Variants in TUBGCP2 observed in about 807,000 individuals in gnomAD.
The protein encoded by TUBGCP2 is gamma-tubulin complex component 2.
A neutral mutation model predicts 92.2 loss-of-function variants in TUBGCP2; 55 were observed. The ratio of observed to expected loss-of-function variants is 0.60; its 90% CI spans 0.48 to 0.75. TUBGCP2 has a LOEUF of 0.75. Among genes scored for constraint, TUBGCP2 ranks in the 30% least tolerant of loss-of-function variants. The pLI, the probability that TUBGCP2 is intolerant of heterozygous loss-of-function variation, is 0.00. For missense variants in TUBGCP2, 1,093 were observed against 1,188.9 expected (o/e 0.92, Z 1.19); for synonymous variants, 533 against 505.2 (o/e 1.06, Z -0.74).
chr10:133,299,727 G>C, intron 3 of TUBGCP2, 124 bp from the exon 4 acceptor site: 2 of 910,764 alleles, frequency 2.2e-6, no homozygotes, highest in Non-Finnish European at 3.3e-6. Context: ...ATAGCAAAGC[G>C]ACGCGTGCGA....
chr10:133,289,982 G>A lies in TUBGCP2; in HGVS notation c.1215-13C>T, dbSNP rs1847240852. ...GACCATAAACTCACTAAAACCACAG[G>A]GAGCGCTTCGGTCACAGGCAAAGCA... On this transcript the variant is annotated splice_polypyrimidine_tract_variant and intron_variant, in intron 8 of 17. Coordinates refer to ENST00000252936, the MANE Select transcript of TUBGCP2 (RefSeq NM_006659.4). 6.2e-7 allele frequency: 1 copy of A among 1,609,378 alleles called. No homozygotes were observed. The highest frequency in any genetic ancestry group is 1.3e-5 in the African/African-American group (1 of 74,968).
At chr10:133,286,201 CT>C (rs1457453764) in intron 11 of TUBGCP2, among the ~76,000 whole-genome samples, 2 of 152,058 alleles carry the variant, frequency 1.3e-5, no homozygotes. Flanking sequence ...AAATGAGCCC[CT>C]GACATCACTT....
At chr10:133,290,099 G>T in intron 8 of TUBGCP2, 130 bp from the exon 9 acceptor site, 1 of 1,305,124 alleles carries the variant, frequency 7.7e-7, no homozygotes, top group Non-Finnish European at 1.1e-6. Context: ...GTTCCACAAG[G>T]GCCGAGCCTA....
upstream of TUBGCP2, chr10:133,311,893 G>A (rs758100019): frequency 1.9e-6 from 3 of 1,613,086 alleles, no homozygotes; most frequent in Non-Finnish European, 2.5e-6. Context: ...GTTCGGTGCT[G>A]AGGATTCTGG....
intron 2 of TUBGCP2, among the ~76,000 whole-genome samples, chr10:133,301,492 G>A (rs898191598): frequency 1.3e-5 from 2 of 152,140 alleles, no homozygotes; most frequent in African/African-American, 4.8e-5. Flanking sequence ...GTGTCCCCAA[G>A]TCTCTATTCC....
At chr10:133,293,870 G>A (rs925119312) in intron 5 of TUBGCP2, 101 bp from the exon 6 acceptor site, 11 of 1,182,256 alleles carry the variant, frequency 9.3e-6, no homozygotes, top group Non-Finnish European at 1.2e-5. Context: ...GCTCATCTTT[G>A]TTTATGGGTA....
In TUBGCP2 at chr10:133,302,852, G is replaced by A. The variant is rs189168678; in HGVS notation, c.90C>T (p.Asp30=). 1 of 1,613,838 alleles carries A rather than the reference G, an allele frequency of 6.2e-7. No individual in the cohort carries two copies. Among genetic ancestry groups the A allele is most frequent in the East Asian group, 2.2e-5 (1 of 44,886 alleles). Residue 30 remains aspartate, a synonymous_variant, in exon 2 of 18, where the codon GAC becomes GAT. Transcript: ENST00000252936. The part of the protein sequence containing the change: ...HGGDGAEVYI[D]LLQKNRTPYV... ...ACGGGGTCCTGTTCTTTTGAAGCAG[G>A]TCAATGTAGACCTCAGCCCCATCTC...
Position 133,285,163 on chromosome 10 carries a change from T to C in TUBGCP2, c.1946A>G (p.Lys649Arg). ...QMLFRHMFYC[K>R]HVERQLCSVW... ...GCTGCAGAGCTGCCGCTCCACGTGC[T>C]TGCAGTAGAACATGTGCCTGAAGAG... The change falls in exon 13 of 18, where the codon AAG (lysine) becomes AGG (arginine). Residue 649 changes from lysine to arginine, a missense_variant. Transcript: ENST00000252936. This position sits in a 1 kb window ranked among gnomAD's most constrained non-coding sequence, Gnocchi z 6.8. 6.2e-7 allele frequency: 1 copy of C among 1,613,610 alleles called. No homozygotes were observed. Among genetic ancestry groups the C allele is most frequent in the Non-Finnish European group, 8.5e-7 (1 of 1,179,974 alleles).
At chr10:133,282,658 C>G (rs1379423066) in intron 15 of TUBGCP2, among the ~76,000 whole-genome samples, 3 of 152,232 alleles carry the variant, frequency 2.0e-5, no homozygotes, top group Admixed American at 2.0e-4. Context: ...ATGGCACTGC[C>G]TGGAGAGCCT....
At chr10:133,293,437 C>A (rs190044861) in intron 6 of TUBGCP2, 125 bp downstream of exon 6, 4 of 1,259,336 alleles carry the variant, frequency 3.2e-6, no homozygotes, top group South Asian at 1.4e-5. Flanking sequence ...GAGTTGGGCA[C>A]GGAGTTGTCA....
In TUBGCP2 at chr10:133,288,138, G is replaced by A. The variant is rs145076825; in HGVS notation, c.1713C>T (p.Asp571=). The part of the protein sequence containing the change: ...MSTANTDPFK[D]DLKIDLMPHD... Reference sequence around the variant, plus strand: ...CGGCACCCCCACCCACCTTGAGGTCGTCCTTGAAGGGGTCAGTGTTGGCCG... The same window carrying A: ...CGGCACCCCCACCCACCTTGAGGTCATCCTTGAAGGGGTCAGTGTTGGCCG... The change falls in exon 11 of 18, where the codon GAC becomes GAT. Residue 571 remains aspartate, a synonymous_variant. Transcript: ENST00000252936. 157 of 1,609,770 alleles carry A rather than the reference G, an allele frequency of 9.8e-5. No individual in the cohort carries two copies. Among genetic ancestry groups the A allele is most frequent in the African/African-American group, 7.7e-4 (58 of 74,928 alleles).
chr10:133,292,589 A>G lies in TUBGCP2; in HGVS notation c.1124T>C (p.Leu375Pro). 1 of 1,614,164 alleles carries G rather than the reference A, an allele frequency of 6.2e-7. No homozygotes were observed. Among genetic ancestry groups the G allele is most frequent in the Middle Eastern group, 1.6e-4 (1 of 6,062 alleles). Residue 375 changes from leucine to proline, a missense_variant, in exon 8 of 18, where the codon CTA (leucine) becomes CCA (proline). This residue lies in a region of TUBGCP2 where 490 missense variants were observed against 488.5 expected (regional missense o/e 1.00). Coordinates refer to ENST00000252936, the MANE Select transcript of TUBGCP2 (RefSeq NM_006659.4). ...GGCCGCCTTGGTTAGGTACAGGCAT[A>G]GCTCCTGCGCCTGGCTGTCCCCTGT... Reference protein sequence around the residue: ...SYTGDSQAQELCLYLTKAASA... With the variant: ...SYTGDSQAQEPCLYLTKAASA...
intron 11 of TUBGCP2, among the ~76,000 whole-genome samples, 193 bp downstream of exon 11, chr10:133,287,936 C>T (rs1329410381): frequency 6.6e-6 from 1 of 152,204 alleles, no homozygotes; most frequent in Non-Finnish European, 1.5e-5. Flanking sequence ...CCGAGACCCG[C>T]GCCCCTCCAG....
chr10:133,285,153 C>T lies in TUBGCP2; in HGVS notation c.1956G>A (p.Glu652=), dbSNP rs1847098807. The change falls in exon 13 of 18, where the codon GAG becomes GAA. Residue 652 remains glutamate (E), a synonymous_variant. Coordinates refer to ENST00000252936, the MANE Select transcript of TUBGCP2 (RefSeq NM_006659.4). This position sits in a 1 kb window ranked among gnomAD's most constrained non-coding sequence, Gnocchi z 6.8. Reference sequence around the variant, plus strand: ...TGATCCAGACGCTGCAGAGCTGCCGCTCCACGTGCTTGCAGTAGAACATGT... The same window carrying T: ...TGATCCAGACGCTGCAGAGCTGCCGTTCCACGTGCTTGCAGTAGAACATGT... ...FRHMFYCKHV[E]RQLCSVWISN... is the part of the protein sequence containing the mutation. 2 of 1,613,592 alleles carry T rather than the reference C, an allele frequency of 1.2e-6. No homozygotes were observed. The highest frequency in any genetic ancestry group is 1.7e-6 in the Non-Finnish European group (2 of 1,179,920).
At chr10:133,293,339 C>G in intron 6 of TUBGCP2, 101 bp from the exon 7 acceptor site, 1 of 1,404,912 alleles carries the variant, frequency 7.1e-7, no homozygotes, top group South Asian at 1.3e-5. Flanking sequence ...AAATGACTCA[C>G]TTGAACCCCA....
chr10:133,279,652 G>A lies in TUBGCP2; in HGVS notation c.*114C>T, dbSNP rs1846914299. On this transcript the variant is annotated 3_prime_UTR_variant, in exon 18 of 18. Coordinates refer to ENST00000252936, the MANE Select transcript of TUBGCP2 (RefSeq NM_006659.4). ...AAAGTGAGCTGAGTCAATCATTCCT[G>A]CTTTATATTTAAACTGCAAAGACAG... is the stretch of plus-strand genomic sequence containing the variant. 2 of 1,382,048 alleles carry A rather than the reference G, an allele frequency of 1.4e-6. No homozygotes were observed. The highest frequency in any genetic ancestry group is 2.9e-5 in the East Asian group (1 of 34,696). 85.6% of individuals were successfully genotyped at this position (1,382,048 alleles called of 1,614,324 possible).
intron 16 of TUBGCP2, 182 bp from the exon 17 acceptor site, chr10:133,281,618 C>T (rs1443410820): frequency 3.7e-5 from 30 of 810,816 alleles, no homozygotes; most frequent in Admixed American, 8.8e-5. Context: ...TTCCTGAGAA[C>T]CCAGCACTCA....
chr10:133,281,342 T>A lies in TUBGCP2; in HGVS notation c.2504A>T (p.Asp835Val), dbSNP rs750253230. ...FDKNFSAHLL[D>V]LLARLSIYST... is the part of the protein sequence containing the mutation. Reference sequence around the variant, plus strand: ...ATAGATGCTCAGCCGGGCCAGGAGGTCCAGCAGGTGGGCTGAGAAGTTCTT... The same window carrying A: ...ATAGATGCTCAGCCGGGCCAGGAGGACCAGCAGGTGGGCTGAGAAGTTCTT... Residue 835 changes from aspartate to valine, a missense_variant, in exon 17 of 18, where the codon GAC (aspartate) becomes GTC (valine). Physicochemically the swap from Asp to Val is radical, Grantham distance 152 (BLOSUM62 -3). This residue lies in a region of TUBGCP2 where 598 missense variants were observed against 675.5 expected (regional missense o/e 0.89). Coordinates refer to ENST00000252936, the MANE Select transcript of TUBGCP2 (RefSeq NM_006659.4). The A allele has an allele frequency of 3.1e-6, 5 of 1,613,500 alleles. No homozygotes were observed. The highest frequency in any genetic ancestry group is 4.2e-6 in the Non-Finnish European group (5 of 1,179,978).
chr10:133,282,370 C>T (rs955612585), intron 15 of TUBGCP2, 28 bp from the exon 16 acceptor site: 4 of 1,566,228 alleles, frequency 2.6e-6, no homozygotes, highest in Middle Eastern at 1.7e-4. Flanking sequence ...CAAGGAAATG[C>T]TTCTGTTAGT....
Sources: allele counts gnomAD v4.1 joint callset (sites outside exome capture counted in the v4.1 genomes callset), GRCh38; gene constraint gnomAD v4.1.1; regional missense constraint gnomAD v4.1.1; non-coding constraint Gnocchi (gnomAD v3.1); transcripts MANE v1.5; gene names NCBI Gene and HGNC (gene_info 2026-07-23, HGNC 2026-07-21).